The following GRIA4 variants were observed in gnomAD, a reference collection of about 807,000 sequenced individuals.
GRIA4 encodes glutamate ionotropic receptor AMPA type subunit 4.
Under a neutral mutation model 104.0 loss-of-function variants are expected in GRIA4, and 34 were observed. The ratio of observed to expected loss-of-function variants is 0.33; its 90% CI spans 0.25 to 0.44. GRIA4 has a LOEUF of 0.44. Ranked by LOEUF, GRIA4 falls within the 20% of genes least tolerant of loss-of-function variation. The pLI is 1.00. For synonymous variants in GRIA4, 386 were observed against 381.9 expected, an observed-to-expected ratio of 1.01 and a Z score of -0.13; for missense variants, 750 against 1,096.5, an observed-to-expected ratio of 0.68 and a Z score of 4.46.
At chr11:105,694,372 C>A (rs945068540) in intron 3 of GRIA4, among the ~76,000 whole-genome samples, 1 of 152,160 alleles carries the variant, frequency 6.6e-6, no homozygotes, top group African/African-American at 2.4e-5. Flanking sequence ...TGGTCTTGAT[C>A]TCTTGACCTC....
At chr11:105,786,099 C>T (rs1402925653) in intron 4 of GRIA4, among the ~76,000 whole-genome samples, 4 of 132,426 alleles carry the variant, frequency 3.0e-5, no homozygotes, top group East Asian at 2.2e-4. Flanking sequence ...GAGCCGAGAT[C>T]GAGCCACTAC....
At chr11:105,790,406 A>C (rs1395256402) in intron 4 of GRIA4, among the ~76,000 whole-genome samples, 1 of 152,158 alleles carries the variant, frequency 6.6e-6, no homozygotes, top group Non-Finnish European at 1.5e-5. Context: ...CTAGGGGTAC[A>C]TGTGTTGCCC....
intron 4 of GRIA4, among the ~76,000 whole-genome samples, chr11:105,784,430 C>T (rs1941866494): frequency 1.3e-5 from 2 of 152,116 alleles, no homozygotes; most frequent in African/African-American, 4.8e-5. Context: ...ATATTTAATT[C>T]AATATTCATC....
intron 3 of GRIA4, among the ~76,000 whole-genome samples, chr11:105,636,848 A>G (rs1442753735): frequency 3.3e-5 from 5 of 152,366 alleles, no homozygotes; most frequent in South Asian, 2.1e-4. Context: ...GCACTTGGCT[A>G]GAACTGAATC....
intron 3 of GRIA4, among the ~76,000 whole-genome samples, chr11:105,693,876 C>T (rs1014202292): frequency 6.6e-6 from 1 of 152,130 alleles, no homozygotes; most frequent in East Asian, 1.9e-4. Context: ...CTCTTAATTA[C>T]AAAGACAGTT....
intron 4 of GRIA4, among the ~76,000 whole-genome samples, chr11:105,830,993 TTTTA>T (rs1425460946): frequency 6.6e-6 from 1 of 151,892 alleles, no homozygotes; most frequent in African/African-American, 2.4e-5. Context: ...CACACACATT[TTTTA>T]TTTATCTATC....
chr11:105,942,509 G>A (rs1209118518), intron 14 of GRIA4, among the ~76,000 whole-genome samples: 1 of 151,948 alleles, frequency 6.6e-6, no homozygotes, highest in Non-Finnish European at 1.5e-5. Context: ...ACCCTCTTAT[G>A]ATGTCGTTTT....
intron 3 of GRIA4, among the ~76,000 whole-genome samples, chr11:105,741,944 A>G (rs1033264183): frequency 2.0e-5 from 3 of 152,142 alleles, no homozygotes; most frequent in African/African-American, 7.2e-5. Flanking sequence ...TGAGGACTAT[A>G]GTTGATAATA....
At chr11:105,879,074 C>T (rs56238271) in intron 5 of GRIA4, among the ~76,000 whole-genome samples, 40,691 of 151,996 alleles carry the variant, frequency 0.27, 5,474 homozygotes, top group Non-Finnish European at 0.29. Flanking sequence ...GTGGGAAGAG[C>T]GTAGTATCTG....
intron 3 of GRIA4, among the ~76,000 whole-genome samples, chr11:105,724,528 C>G (rs930247972): frequency 6.6e-6 from 1 of 151,870 alleles, no homozygotes; most frequent in Admixed American, 6.6e-5. Context: ...ACTCAAACAA[C>G]TCAGAAACAG....
intron 3 of GRIA4, among the ~76,000 whole-genome samples, chr11:105,628,981 G>A (rs1399588636): frequency 2.0e-5 from 3 of 149,912 alleles, no homozygotes; most frequent in Non-Finnish European, 4.4e-5. Flanking sequence ...AGGAACTTCA[G>A]CAAAGTCTCA....
intron 10 of GRIA4, chr11:105,913,588 G>A: frequency 1.6e-6 from 1 of 644,056 alleles, no homozygotes; most frequent in Non-Finnish European, 1.9e-6. Context: ...CATGTGGTTT[G>A]GATAAATACA....
rs2135231369 is a variant in GRIA4 at position 105,610,112 on chromosome 11, T to A, written c.-407T>A. The A allele has an allele frequency of 6.6e-6, 1 of 152,572 alleles. No individual in the cohort carries two copies. The highest frequency in any genetic ancestry group is 2.4e-5 in the African/African-American group (1 of 41,554). The allele number at this position is 152,572 out of a possible 1,614,324, so 9.5% of individuals were successfully genotyped here. A position where few individuals can be genotyped will look rare whatever the true frequency, so the allele number is the denominator to read the frequency against. On this transcript the variant is annotated 5_prime_UTR_variant, in exon 1 of 17. Coordinates refer to ENST00000282499, the MANE Select transcript of GRIA4 (RefSeq NM_000829.4). ...GCTAGGCTGAGAGGGAAGCCAGGACTGTAGGAGAGGGAGGCAGCCCGTCCT... is the reference window on the plus strand; with the variant it reads ...GCTAGGCTGAGAGGGAAGCCAGGACAGTAGGAGAGGGAGGCAGCCCGTCCT...
chr11:105,717,745 G>A (rs1309293011), intron 3 of GRIA4, among the ~76,000 whole-genome samples: 1 of 151,256 alleles, frequency 6.6e-6, no homozygotes, highest in Non-Finnish European at 1.5e-5. Flanking sequence ...AAGTTTTAGG[G>A]TACATGTGCA....
Position 105,980,336 on chromosome 11 carries a change from C to T in GRIA4, c.*597C>T, listed in dbSNP as rs968731597. 5 of 152,574 alleles carry T rather than the reference C, an allele frequency of 3.3e-5. No homozygotes were observed. Among genetic ancestry groups the T allele is most frequent in the Non-Finnish European group, 5.9e-5 (4 of 68,034 alleles). The allele number at this position is 152,574 out of a possible 1,614,324, so 9.5% of individuals were successfully genotyped here. ...TGAAACATGCTTGCTTTTTAACTGA[C>T]GTAAATTCAGTAGAGGACAACACAA... On this transcript the variant is annotated 3_prime_UTR_variant, in exon 17 of 17. Transcript: ENST00000282499.
Position 105,974,459 on chromosome 11 carries a change from A to C in GRIA4, c.2544+15A>C. 6.2e-7 allele frequency: 1 copy of C among 1,613,998 alleles called. No individual in the cohort carries two copies. ...AGAGAATGAAGGTGGCAAAGAGTGCACAGACTTTTAACCCAACTTCCTCGC... is the reference window on the plus strand; with the variant it reads ...AGAGAATGAAGGTGGCAAAGAGTGCCCAGACTTTTAACCCAACTTCCTCGC... On this transcript the variant is annotated intron_variant, in intron 16 of 16. Transcript: ENST00000282499.
intron 3 of GRIA4, among the ~76,000 whole-genome samples, chr11:105,734,757 T>C (rs527519254): frequency 6.6e-6 from 1 of 152,330 alleles, no homozygotes; most frequent in East Asian, 1.9e-4. Context: ...ACTTTGTGAC[T>C]GGCATACTCC....
chr11:105,904,006 C>A, intron 8 of GRIA4, 25 bp downstream of exon 8: 2 of 1,487,996 alleles, frequency 1.3e-6, no homozygotes, highest in Admixed American at 1.9e-5. Context: ...TATTTAAGTT[C>A]AATTCATTTC....
chr11:105,630,896 C>T (rs1951019468), intron 3 of GRIA4, among the ~76,000 whole-genome samples: 1 of 152,094 alleles, frequency 6.6e-6, no homozygotes, highest in Admixed American at 6.5e-5. Flanking sequence ...TACAAGCTGT[C>T]CTCCATCCTC....
Sources: gnomAD v4.1 joint callset for allele counts (sites outside exome capture counted in the v4.1 genomes callset) on GRCh38, gnomAD v4.1.1 for gene constraint, MANE v1.5 for transcripts, NCBI Gene and HGNC (gene_info 2026-07-23, HGNC 2026-07-21) for gene names.